Variants in SGCZ observed in about 807,000 individuals in gnomAD.
The protein encoded by SGCZ is sarcoglycan zeta.
A neutral mutation model predicts 41.3 loss-of-function variants in SGCZ; 40 were observed. The observed-to-expected ratio is 0.97, with a 90% CI of 0.75 to 1.26. SGCZ has a LOEUF of 1.26. Among genes scored for constraint, SGCZ ranks in the 50% most tolerant of loss-of-function variants. The pLI is 0.00. For synonymous variants in SGCZ, 206 were observed against 137.5 expected, an observed-to-expected ratio of 1.50 and a Z score of -3.49; for missense variants, 552 against 369.8, an observed-to-expected ratio of 1.49 and a Z score of -4.04.
In SGCZ at chr8:14,085,269, A is replaced by C. The variant is rs1801492091; in HGVS notation, c.*5174T>G. Among the ~76,000 whole-genome samples, 1 of 151,788 alleles carries C rather than the reference A, an allele frequency of 6.6e-6. No individual in the cohort carries two copies. Among genetic ancestry groups the C allele is most frequent in the Non-Finnish European group, 1.5e-5 (1 of 67,812 alleles). ...AAATAGTTCCATTTTTCATATATCT[A>C]TATATACAAGAAAACATTTACATGA... On this transcript the variant is annotated 3_prime_UTR_variant, in exon 8 of 8. Coordinates refer to ENST00000382080, the MANE Select transcript of SGCZ (RefSeq NM_139167.4).
intron 2 of SGCZ, among the ~76,000 whole-genome samples, chr8:14,551,597 TTA>T (rs1803864345): frequency 5.5e-5 from 2 of 36,474 alleles, no homozygotes; most frequent in Non-Finnish European, 8.8e-5. Flanking sequence ...ATAATATATA[TTA>T]TATATATTAT....
chr8:14,312,401 C>T (rs927706902), intron 3 of SGCZ, among the ~76,000 whole-genome samples: 1 of 152,130 alleles, frequency 6.6e-6, no homozygotes, highest in African/African-American at 2.4e-5. Context: ...AGCCCACGTA[C>T]ATGCAAATAT....
At chr8:14,332,194 G>A (rs1802352505) in intron 2 of SGCZ, among the ~76,000 whole-genome samples, 1 of 152,112 alleles carries the variant, frequency 6.6e-6, no homozygotes, top group Non-Finnish European at 1.5e-5. Flanking sequence ...CCAGTACTTT[G>A]GGAGGCCGAA....
chr8:14,883,285 T>C (rs2130727494), intron 1 of SGCZ, among the ~76,000 whole-genome samples: 1 of 151,628 alleles, frequency 6.6e-6, no homozygotes, highest in African/African-American at 2.4e-5. Context: ...GAAGGAACTT[T>C]CTCCTGTATT....
chr8:14,277,668 G>C (rs558615886), intron 3 of SGCZ, among the ~76,000 whole-genome samples: 1 of 152,080 alleles, frequency 6.6e-6, no homozygotes, highest in Non-Finnish European at 1.5e-5. Context: ...TGGTGTTCTG[G>C]CATGCTGAGC....
chr8:14,696,614 C>T (rs1471633716), intron 1 of SGCZ, among the ~76,000 whole-genome samples: 2 of 151,970 alleles, frequency 1.3e-5, no homozygotes, highest in African/African-American at 2.4e-5. Flanking sequence ...CAACATTTAT[C>T]GTTATGACCT....
chr8:14,286,902 A>T (rs1408020069), intron 3 of SGCZ, among the ~76,000 whole-genome samples: 2 of 152,050 alleles, frequency 1.3e-5, no homozygotes, highest in Admixed American at 1.3e-4. Context: ...ATCACTAAAA[A>T]TTTCTTTGAA....
In SGCZ at chr8:14,982,982, G is replaced by C. The variant is rs189507673; in HGVS notation, c.39+254603C>G. ...GGAATCCCAATTTAGCCACCTATTA[G>C]CTATTTGGCCTGGAGTAAGTCATTG... On this transcript the variant is annotated intron_variant, in intron 1 of 7. Transcript: ENST00000382080. Among the ~76,000 whole-genome samples the C allele has an allele frequency of 2.5e-3, 384 of 152,266 alleles. 3 individuals carry two copies. Among genetic ancestry groups the C allele is most frequent in the African/African-American group, 9.0e-3 (373 of 41,558 alleles).
intron 4 of SGCZ, among the ~76,000 whole-genome samples, chr8:14,218,249 C>T (rs1806069122): frequency 6.6e-6 from 1 of 152,138 alleles, no homozygotes; most frequent in South Asian, 2.1e-4. Flanking sequence ...GTATTTCTAA[C>T]ACAAAGTCAA....
At chr8:14,718,672 CT>C (rs1809777719) in intron 1 of SGCZ, among the ~76,000 whole-genome samples, 5 of 151,202 alleles carry the variant, frequency 3.3e-5, no homozygotes, top group Non-Finnish European at 7.4e-5. Flanking sequence ...AAAAACTGTC[CT>C]ACTGAAGATA....
intron 2 of SGCZ, among the ~76,000 whole-genome samples, chr8:14,518,913 A>G (rs11991899): frequency 1.4e-5 from 2 of 147,484 alleles, no homozygotes; most frequent in Non-Finnish European, 3.0e-5. Flanking sequence ...AAAAAAAAAT[A>G]CAAAAATTAG....
chr8:14,131,668 G>A (rs575340263), intron 5 of SGCZ, among the ~76,000 whole-genome samples: 39 of 152,218 alleles, frequency 2.6e-4, no homozygotes, highest in African/African-American at 8.4e-4. Flanking sequence ...GCATATGCAC[G>A]TGTTTCATCA....
At chr8:14,571,061 T>C (rs1306292706) in intron 1 of SGCZ, among the ~76,000 whole-genome samples, 1 of 152,160 alleles carries the variant, frequency 6.6e-6, no homozygotes, top group African/African-American at 2.4e-5. Context: ...ACTGGGTTTA[T>C]AAAGGAAAGA....
chr8:14,244,164 CTT>C (rs1798994088), intron 3 of SGCZ, among the ~76,000 whole-genome samples: 3 of 150,508 alleles, frequency 2.0e-5, no homozygotes, highest in East Asian at 4.0e-4. Flanking sequence ...CCTCTTCCTT[CTT>C]CCTCCTCCTC....
intron 1 of SGCZ, among the ~76,000 whole-genome samples, chr8:15,048,264 G>C (rs1804384277): frequency 6.6e-6 from 1 of 151,978 alleles, no homozygotes; most frequent in African/African-American, 2.4e-5. Context: ...AGCCATATGT[G>C]GGAGCTAGAT....
chr8:15,000,515 T>C (rs771121094), intron 1 of SGCZ, among the ~76,000 whole-genome samples: 7 of 152,054 alleles, frequency 4.6e-5, no homozygotes, highest in Non-Finnish European at 1.0e-4. Flanking sequence ...GCTGCAGACA[T>C]AGACAAGCAA....
intron 1 of SGCZ, among the ~76,000 whole-genome samples, chr8:14,683,734 C>T (rs1379613403): frequency 1.3e-5 from 2 of 151,914 alleles, no homozygotes; most frequent in East Asian, 1.9e-4. Flanking sequence ...TTTATTCTTC[C>T]TTCAGTGAGC....
At chr8:14,549,569 A>G (rs2117173451) in intron 2 of SGCZ, among the ~76,000 whole-genome samples, 1 of 152,150 alleles carries the variant, frequency 6.6e-6, no homozygotes, top group East Asian at 1.9e-4. Flanking sequence ...GTGCTCAACC[A>G]AGATATCAAG....
chr8:14,765,715 C>G (rs73199291), intron 1 of SGCZ, among the ~76,000 whole-genome samples: 4,797 of 152,244 alleles, frequency 0.032, 97 homozygotes, highest in South Asian at 0.06. Flanking sequence ...TATGGCATGA[C>G]AAACGCTAAC....
Sources: gnomAD v4.1 joint callset for allele counts (sites outside exome capture counted in the v4.1 genomes callset) on GRCh38, gnomAD v4.1.1 for gene constraint, MANE v1.5 for transcripts, NCBI Gene and HGNC (gene_info 2026-07-23, HGNC 2026-07-21) for gene names.